Variants in CDH12 observed in about 807,000 individuals in gnomAD.
CDH12 encodes cadherin 12, also known as cadherin-12.
A neutral mutation model predicts 74.1 loss-of-function variants in CDH12; 41 were observed. The observed-to-expected ratio is 0.55, with a 90% confidence interval of 0.43 to 0.72. The LOEUF is 0.72. CDH12 is among the 30% of genes least tolerant of loss of function. CDH12 has a pLI of 0.00. For missense variants in CDH12, 945 were observed against 977.2 expected (o/e 0.97, Z 0.44); for synonymous variants, 399 against 355.0 (o/e 1.12, Z -1.39).
At chr5:22,792,971 T>C (rs1341602573) in intron 1 of CDH12, among the ~76,000 whole-genome samples, 1 of 152,202 alleles carries the variant, frequency 6.6e-6, no homozygotes, top group African/African-American at 2.4e-5. Flanking sequence ...ACTTTCCAGG[T>C]TGTCATTCTC....
chr5:22,476,194 T>C (rs1464286670), intron 2 of CDH12, among the ~76,000 whole-genome samples: 1 of 152,100 alleles, frequency 6.6e-6, no homozygotes, highest in Non-Finnish European at 1.5e-5. Flanking sequence ...TCATTAACGT[T>C]GATATTAATT....
At chr5:21,954,778 GT>G (rs1756021001) in intron 6 of CDH12, among the ~76,000 whole-genome samples, 1 of 152,066 alleles carries the variant, frequency 6.6e-6, no homozygotes, top group African/African-American at 2.4e-5. Context: ...AGAGAGATTA[GT>G]TATTAATTGA....
intron 4 of CDH12, among the ~76,000 whole-genome samples, chr5:22,153,507 T>C (rs1747754110): frequency 6.6e-6 from 1 of 151,698 alleles, no homozygotes; most frequent in Non-Finnish European, 1.5e-5. Flanking sequence ...ATATAAGCTC[T>C]GCAATCCAAC....
chr5:22,274,237 G>A (rs1358537752), intron 3 of CDH12, among the ~76,000 whole-genome samples: 1 of 151,868 alleles, frequency 6.6e-6, no homozygotes, highest in East Asian at 1.9e-4. Flanking sequence ...TAAGGATATG[G>A]GATTTTACAT....
chr5:22,154,033 G>A (rs575528530), intron 4 of CDH12, among the ~76,000 whole-genome samples: 54 of 148,768 alleles, frequency 3.6e-4, no homozygotes, highest in African/African-American at 6.9e-4. Context: ...GAGCCATCTC[G>A]TCTGGCCAAT....
chr5:22,273,663 T>C (rs1280611973), intron 3 of CDH12, among the ~76,000 whole-genome samples: 1 of 152,188 alleles, frequency 6.6e-6, no homozygotes, highest in East Asian at 1.9e-4. Context: ...GAAGTAATCT[T>C]TTACTTCCAC....
At position 21,958,397 on chromosome 5, in the gene CDH12, G is replaced by T. The variant is rs181769588; in HGVS notation, c.526+16694C>A. Reference sequence around the variant, plus strand: ...TCTAAGTACAGGACGGTATTGCCTAGGTTGTCTTCCAGGGTTTTTCTAATT... The same window carrying T: ...TCTAAGTACAGGACGGTATTGCCTATGTTGTCTTCCAGGGTTTTTCTAATT... On this transcript the variant is annotated intron_variant, in intron 6 of 14. Coordinates refer to ENST00000382254, the MANE Select transcript of CDH12 (RefSeq NM_004061.5). Among the ~76,000 whole-genome samples, 30 of 152,178 alleles carry T rather than the reference G, an allele frequency of 2.0e-4. 1 individual carries two copies. The East Asian group carries it at 4.6e-3, about 24-fold the overall frequency.
chr5:21,757,336 C>T (rs111303510), intron 13 of CDH12, among the ~76,000 whole-genome samples: 5,290 of 152,086 alleles, frequency 0.035, 112 homozygotes, highest in Middle Eastern at 0.071. Context: ...CCACCACGCC[C>T]AGCGAATTTT....
At chr5:22,464,545 G>A (rs1745647327) in intron 2 of CDH12, among the ~76,000 whole-genome samples, 1 of 151,932 alleles carries the variant, frequency 6.6e-6, no homozygotes, top group South Asian at 2.1e-4. Flanking sequence ...TTAAATGTTG[G>A]AATTCCCTAT....
At chr5:22,745,304 A>G (rs1342826210) in intron 1 of CDH12, among the ~76,000 whole-genome samples, 18 of 152,208 alleles carry the variant, frequency 1.2e-4, no homozygotes, top group Non-Finnish European at 2.9e-5. Context: ...TGCATTAAAG[A>G]TCACCTTGGG....
At chr5:22,098,631 G>C (rs1051769422) in intron 4 of CDH12, among the ~76,000 whole-genome samples, 1 of 152,104 alleles carries the variant, frequency 6.6e-6, no homozygotes, top group Non-Finnish European at 1.5e-5. Flanking sequence ...AGCTCCTTCA[G>C]CTGTATTCAC....
At chr5:22,270,089 A>G (rs956929991) in intron 3 of CDH12, among the ~76,000 whole-genome samples, 6 of 152,162 alleles carry the variant, frequency 3.9e-5, no homozygotes, top group Admixed American at 3.9e-4. Context: ...ATCTTTGGGA[A>G]GAGCTGGGAG....
At chr5:21,810,399 A>G (rs946142505) in intron 9 of CDH12, among the ~76,000 whole-genome samples, 1 of 152,108 alleles carries the variant, frequency 6.6e-6, no homozygotes, top group East Asian at 1.9e-4. Flanking sequence ...TTCTGGAAAA[A>G]TCAGCAACCA....
intron 1 of CDH12, among the ~76,000 whole-genome samples, chr5:22,572,675 C>A (rs1416566549): frequency 7.9e-5 from 12 of 152,152 alleles, no homozygotes. Context: ...ACAACCCTAT[C>A]TTTTGGTTGA....
intron 6 of CDH12, among the ~76,000 whole-genome samples, chr5:21,878,457 G>C (rs1345479919): frequency 1.3e-5 from 2 of 151,800 alleles, no homozygotes; most frequent in South Asian, 4.2e-4. Context: ...CACTAGTCAC[G>C]GTGTTTCACA....
At chr5:22,826,638 C>T (rs1736343047) in intron 1 of CDH12, among the ~76,000 whole-genome samples, 1 of 152,102 alleles carries the variant, frequency 6.6e-6, no homozygotes, top group Non-Finnish European at 1.5e-5. Flanking sequence ...CTAAGGTGGT[C>T]TCAGATGGAG....
At chr5:22,458,905 G>GT (rs1046499838) in intron 2 of CDH12, among the ~76,000 whole-genome samples, 25 of 151,818 alleles carry the variant, frequency 1.6e-4, no homozygotes, top group Non-Finnish European at 2.9e-4. Context: ...TTTGTTTTGG[G>GT]TTTTTTCTTT....
At chr5:22,802,272 C>T (rs1173880529) in intron 1 of CDH12, among the ~76,000 whole-genome samples, 3 of 151,930 alleles carry the variant, frequency 2.0e-5, no homozygotes, top group African/African-American at 7.3e-5. Context: ...CAGGCGCCCG[C>T]CACCACACCC....
At chr5:22,524,999 C>T (rs1737207632) in intron 1 of CDH12, among the ~76,000 whole-genome samples, 1 of 149,566 alleles carries the variant, frequency 6.7e-6, no homozygotes, top group South Asian at 2.1e-4. Flanking sequence ...GTGATGTTCC[C>T]CTTCCTGTGT....
Sources: allele counts gnomAD v4.1 joint callset (sites outside exome capture counted in the v4.1 genomes callset), GRCh38; gene constraint gnomAD v4.1.1; transcripts MANE v1.5; gene names NCBI Gene and HGNC (gene_info 2026-07-23, HGNC 2026-07-21).